Variants in XKR4 observed in about 807,000 individuals in gnomAD.
The protein encoded by XKR4 is XK-related protein 4.
Under a neutral mutation model 53.9 loss-of-function variants are expected in XKR4, and 12 were observed. That is an observed-to-expected ratio of 0.22 (90% confidence interval 0.14 to 0.36). The LOEUF (loss-of-function observed/expected upper bound fraction) is 0.36, where lower values mean the gene tolerates loss of function less well. Among genes scored for constraint, XKR4 ranks in the 10% least tolerant of loss-of-function variants. The probability of loss-of-function intolerance (pLI) is 1.00; values close to 1 mark genes in which losing one functional copy is unlikely to be tolerated. For synonymous variants in XKR4, 354 were observed against 362.4 expected (o/e 0.98, Z 0.26); for missense variants, 799 against 859.5 (o/e 0.93, Z 0.88).
At chr8:55,325,873 C>T in intron 1 of XKR4, among the ~76,000 whole-genome samples, 1 of 152,086 alleles carries the variant, frequency 6.6e-6, no homozygotes, top group Non-Finnish European at 1.5e-5. Flanking sequence ...TAATTCCTCT[C>T]TAAGAAATTG....
chr8:55,118,438 T>A (rs992778282), intron 1 of XKR4, among the ~76,000 whole-genome samples: 7 of 151,716 alleles, frequency 4.6e-5, no homozygotes, highest in Admixed American at 6.6e-5. Context: ...GTCAGTCACA[T>A]CTCTCTCTCT....
At chr8:55,305,964 A>G (rs560632382) in intron 1 of XKR4, among the ~76,000 whole-genome samples, 11 of 152,352 alleles carry the variant, frequency 7.2e-5, no homozygotes, top group South Asian at 6.2e-4. Context: ...CAACCAAGAA[A>G]TGTAGGTAAA....
intron 1 of XKR4, among the ~76,000 whole-genome samples, chr8:55,197,338 G>A (rs909806167): frequency 1.3e-5 from 2 of 152,130 alleles, no homozygotes; most frequent in South Asian, 2.1e-4. Flanking sequence ...AGTAGGATGC[G>A]TCCTTAACCA....
At chr8:55,307,360 A>G (rs1819318264) in intron 1 of XKR4, among the ~76,000 whole-genome samples, 1 of 152,172 alleles carries the variant, frequency 6.6e-6, no homozygotes, top group Non-Finnish European at 1.5e-5. Flanking sequence ...TAAACAGCAT[A>G]TACAGGAGGG....
intron 1 of XKR4, among the ~76,000 whole-genome samples, chr8:55,110,790 G>T (rs1816220601): frequency 6.6e-6 from 1 of 152,016 alleles, no homozygotes; most frequent in African/African-American, 2.4e-5. Flanking sequence ...ATATATGGAA[G>T]AATTTTTGGT....
rs905498771 is a variant in XKR4, at chr8:55,534,663, C to T, written c.*10436C>T. ...GTGCTGGGATTACAGGCGTGAGCCACCACACCCGGCCCCGATATTCTTAAT... is the reference window on the plus strand; with the variant it reads ...GTGCTGGGATTACAGGCGTGAGCCATCACACCCGGCCCCGATATTCTTAAT... On this transcript the variant is annotated 3_prime_UTR_variant, in exon 3 of 3. Transcript: ENST00000327381. The T allele has an allele frequency of 1.3e-5, 2 of 151,746 alleles. No homozygotes were observed. Among genetic ancestry groups the T allele is most frequent in the Admixed American group, 6.6e-5 (1 of 15,240 alleles). The allele number at this position is 151,746 out of a possible 1,614,324, so 9.4% of individuals were successfully genotyped here.
At chr8:55,392,253 C>T (rs543977557) in intron 2 of XKR4, among the ~76,000 whole-genome samples, 3 of 152,200 alleles carry the variant, frequency 2.0e-5, no homozygotes, top group East Asian at 3.9e-4. Context: ...TGAGAGAGGG[C>T]TCCTTGGAGG....
chr8:55,445,747 G>A (rs898834168), intron 2 of XKR4, among the ~76,000 whole-genome samples: 2 of 152,140 alleles, frequency 1.3e-5, no homozygotes, highest in African/African-American at 2.4e-5. Context: ...TCCCTCCTCC[G>A]CCACACACAA....
At chr8:55,429,681 A>G (rs549077900) in intron 2 of XKR4, among the ~76,000 whole-genome samples, 90 of 152,214 alleles carry the variant, frequency 5.9e-4, no homozygotes, top group African/African-American at 2.1e-3. Context: ...CAGCGAGCAG[A>G]GCACAGCACT....
chr8:55,103,882 T>G (rs963250071), intron 1 of XKR4, among the ~76,000 whole-genome samples: 3 of 138,780 alleles, frequency 2.2e-5, no homozygotes, highest in African/African-American at 8.6e-5. Flanking sequence ...TATATATATA[T>G]ATATATATAT....
At chr8:55,360,342 A>C (rs1410311821) in intron 2 of XKR4, among the ~76,000 whole-genome samples, 1 of 152,214 alleles carries the variant, frequency 6.6e-6, no homozygotes, top group African/African-American at 2.4e-5. Flanking sequence ...GCTTCTAAAT[A>C]CCCCTCTGCT....
chr8:55,290,260 G>A (rs1819000811), intron 1 of XKR4, among the ~76,000 whole-genome samples: 1 of 151,602 alleles, frequency 6.6e-6, no homozygotes, highest in Non-Finnish European at 1.5e-5. Context: ...CTCCGGAGTA[G>A]CTGGGACTAT....
intron 2 of XKR4, among the ~76,000 whole-genome samples, chr8:55,441,164 T>C (rs973231624): frequency 1.1e-4 from 17 of 151,962 alleles, no homozygotes; most frequent in African/African-American, 3.9e-4. Context: ...CACTTAAGCT[T>C]GGGAGGTTGA....
intron 1 of XKR4, among the ~76,000 whole-genome samples, chr8:55,303,598 T>C (rs984191676): frequency 2.0e-5 from 3 of 152,258 alleles, no homozygotes; most frequent in Admixed American, 6.5e-5. Context: ...GTACCTCTGG[T>C]AGAATTTGGC....
intron 2 of XKR4, among the ~76,000 whole-genome samples, chr8:55,491,891 T>C (rs138952978): frequency 5.0e-4 from 76 of 152,322 alleles, no homozygotes; most frequent in African/African-American, 1.8e-3. Flanking sequence ...TATTTTTGCC[T>C]AGTTTATGCA....
chr8:55,366,819 T>C (rs1322296453), intron 2 of XKR4, among the ~76,000 whole-genome samples: 2 of 152,146 alleles, frequency 1.3e-5, no homozygotes, highest in Non-Finnish European at 2.9e-5. Context: ...CTCTCCCTAT[T>C]CTGCATTATC....
chr8:55,191,408 T>TAG (rs1223122694), intron 1 of XKR4, among the ~76,000 whole-genome samples: 1 of 152,182 alleles, frequency 6.6e-6, no homozygotes, highest in East Asian at 1.9e-4. Context: ...TCTATGGCAT[T>TAG]AGACTTTTAG....
At chr8:55,174,016 T>C (rs1299891399) in intron 1 of XKR4, among the ~76,000 whole-genome samples, 1 of 152,204 alleles carries the variant, frequency 6.6e-6, no homozygotes, top group Non-Finnish European at 1.5e-5. Context: ...CCATAAAGTT[T>C]TCAGAGATAC....
intron 1 of XKR4, among the ~76,000 whole-genome samples, chr8:55,179,439 C>A (rs1817279103): frequency 6.6e-6 from 1 of 152,182 alleles, no homozygotes; most frequent in Non-Finnish European, 1.5e-5. Context: ...AACAGGCCAT[C>A]TCTCACATTT....
Sources: allele counts gnomAD v4.1 joint callset (sites outside exome capture counted in the v4.1 genomes callset), GRCh38; gene constraint gnomAD v4.1.1; transcripts MANE v1.5; gene names NCBI Gene and HGNC (gene_info 2026-07-23, HGNC 2026-07-21).